C1GALT1: variants seen among roughly 807,000 people sequenced by gnomAD.
C1GALT1 encodes glycoprotein-N-acetylgalactosamine 3-beta-galactosyltransferase 1.
In C1GALT1, 11 loss-of-function variants were observed where a neutral mutation model predicts 31.0. The ratio of observed to expected loss-of-function variants is 0.36; its 90% CI spans 0.22 to 0.59. The LOEUF (loss-of-function observed/expected upper bound fraction) is 0.59. Ranked by LOEUF, C1GALT1 falls within the 20% of genes least tolerant of loss-of-function variation. The probability of loss-of-function intolerance (pLI) is 0.79; values close to 1 mark genes in which losing one functional copy is unlikely to be tolerated. For missense variants in C1GALT1, 424 were observed against 425.2 expected (o/e 1.00, Z 0.03); for synonymous variants, 175 against 143.6 (o/e 1.22, Z -1.56).
chr7:7,168,960 CACT>C, intron 2 of C1GALT1, among the ~76,000 whole-genome samples: 1 of 152,284 alleles, frequency 6.6e-6, no homozygotes, highest in East Asian at 1.9e-4. Context: ...CAAACACCAC[CACT>C]ATCTGTTAAT....
rs973225180 is a variant in C1GALT1 at position 7,234,535 on chromosome 7, T to C, written c.216T>C (p.His72=). Residue 72 remains histidine (H), a synonymous_variant, in exon 2 of 4, where the codon CAT becomes CAC. Transcript: ENST00000436587. The part of the protein sequence containing the change: ...QMNFNADSSQ[H]KDENTDIAEN... ...ACTTCAATGCAGATTCTAGCCAACA[T>C]AAAGGTATGGTTTACTTTATTAAGC... The C allele has an allele frequency of 3.7e-6, 6 of 1,604,398 alleles. No homozygotes were observed. Among genetic ancestry groups the C allele is most frequent in the Non-Finnish European group, 5.1e-6 (6 of 1,171,362 alleles).
At chr7:7,161,855 G>A (rs1780336693) in intron 2 of C1GALT1, among the ~76,000 whole-genome samples, 2 of 152,046 alleles carry the variant, frequency 1.3e-5, no homozygotes, top group Admixed American at 1.3e-4. Flanking sequence ...AAGTGCAGAA[G>A]ATTCTATTGA....
chr7:7,169,228 T>A lies in C1GALT1; in HGVS notation c.-18+11802T>A, dbSNP rs531577250. Among the ~76,000 whole-genome samples the A allele has an allele frequency of 1.8e-4, 28 of 152,364 alleles. 1 individual carries two copies. The South Asian group carries it at 5.8e-3, about 32-fold the overall frequency. ...GCTGAATAATATCCCACTGTATGTGTATAAAATATTTTGTTTATCCATTTC... is the reference window on the plus strand; with the variant it reads ...GCTGAATAATATCCCACTGTATGTGAATAAAATATTTTGTTTATCCATTTC... On this transcript the variant is annotated intron_variant, in intron 2 of 3. Coordinates refer to the C1GALT1 transcript ENST00000429911.
chr7:7,194,184 C>T (rs1781189597), intron 1 of C1GALT1, among the ~76,000 whole-genome samples: 2 of 151,878 alleles, frequency 1.3e-5, no homozygotes, highest in African/African-American at 2.4e-5. Context: ...TTGTCTGATC[C>T]CTCTGGCTAG....
At chr7:7,236,570 G>C (rs1321466364) in intron 2 of C1GALT1, among the ~76,000 whole-genome samples, 1 of 152,080 alleles carries the variant, frequency 6.6e-6, no homozygotes, top group Non-Finnish European at 1.5e-5. Context: ...CACCCAGGCT[G>C]GACTGCAGTG....
At chr7:7,206,820 A>G (rs1025746279) in intron 1 of C1GALT1, among the ~76,000 whole-genome samples, 2 of 151,284 alleles carry the variant, frequency 1.3e-5, no homozygotes, top group African/African-American at 2.4e-5. Flanking sequence ...AAAGTGTCTG[A>G]TGAGAAATCT....
At chr7:7,223,793 C>T (rs28421078) in intron 1 of C1GALT1, among the ~76,000 whole-genome samples, 4,477 of 151,564 alleles carry the variant, frequency 0.03, 233 homozygotes, top group African/African-American at 0.1. Context: ...CTAGAATTTC[C>T]AGTACTATAT....
chr7:7,182,054 T>G (rs1484513674), upstream of C1GALT1, among the ~76,000 whole-genome samples: 1 of 152,218 alleles, frequency 6.6e-6, no homozygotes, highest in South Asian at 2.1e-4. Flanking sequence ...CAGCTCTTCC[T>G]GGTTCTCACA....
intron 2 of C1GALT1, among the ~76,000 whole-genome samples, chr7:7,163,223 T>C (rs1780356231): frequency 6.6e-6 from 1 of 152,238 alleles, no homozygotes; most frequent in Admixed American, 6.5e-5. Flanking sequence ...TGCCTAGCTT[T>C]TCTTCTAGGG....
intron 2 of C1GALT1, among the ~76,000 whole-genome samples, chr7:7,160,413 C>T (rs1184153593): frequency 6.6e-6 from 1 of 152,050 alleles, no homozygotes; most frequent in Non-Finnish European, 1.5e-5. Context: ...GATAATGTTA[C>T]CTTGATTGAC....
intron 1 of C1GALT1, among the ~76,000 whole-genome samples, chr7:7,219,436 T>G (rs1782406680): frequency 6.6e-6 from 1 of 152,198 alleles, no homozygotes; most frequent in Non-Finnish European, 1.5e-5. Context: ...TAGGCATATG[T>G]TGGGGCAGAG....
intron 1 of C1GALT1, among the ~76,000 whole-genome samples, chr7:7,188,374 T>C (rs939838178): frequency 3.3e-5 from 5 of 152,170 alleles, no homozygotes; most frequent in African/African-American, 1.2e-4. Context: ...CAGGTGGAAG[T>C]ATTTAGCAGG....
chr7:7,200,754 A>G (rs1430785022), intron 1 of C1GALT1, among the ~76,000 whole-genome samples: 2 of 152,084 alleles, frequency 1.3e-5, no homozygotes, highest in African/African-American at 4.8e-5. Context: ...TTTGATCTTC[A>G]ATCACTGATA....
At chr7:7,210,177 T>C (rs1781927505) in intron 1 of C1GALT1, among the ~76,000 whole-genome samples, 1 of 152,104 alleles carries the variant, frequency 6.6e-6, no homozygotes. Context: ...CAAAAAATAT[T>C]TGTGACTCTT....
intron 1 of C1GALT1, among the ~76,000 whole-genome samples, chr7:7,194,847 T>C (rs1781218441): frequency 6.6e-6 from 1 of 152,070 alleles, no homozygotes; most frequent in Non-Finnish European, 1.5e-5. Context: ...ATTTCAGTCT[T>C]GCTGCTTGCT....
At chr7:7,204,767 T>C (rs1202620149) in intron 1 of C1GALT1, among the ~76,000 whole-genome samples, 1 of 152,218 alleles carries the variant, frequency 6.6e-6, no homozygotes, top group Non-Finnish European at 1.5e-5. Flanking sequence ...TGTCTCTAAG[T>C]ATTTTCTAAT....
chr7:7,196,185 G>T (rs971207794), intron 1 of C1GALT1, among the ~76,000 whole-genome samples: 1 of 151,926 alleles, frequency 6.6e-6, no homozygotes, highest in Admixed American at 6.6e-5. Flanking sequence ...TTTACATTAG[G>T]TATATCTCCT....
upstream of C1GALT1, among the ~76,000 whole-genome samples, chr7:7,181,542 G>C (rs1780588023): frequency 6.6e-6 from 1 of 152,128 alleles, no homozygotes; most frequent in Admixed American, 6.5e-5. Flanking sequence ...AATGTCCTGA[G>C]AAACTACACT....
intron 1 of C1GALT1, among the ~76,000 whole-genome samples, chr7:7,217,548 G>C (rs1474250087): frequency 6.6e-6 from 1 of 152,168 alleles, no homozygotes; most frequent in African/African-American, 2.4e-5. Flanking sequence ...TTCGCTGATG[G>C]ATTATTTCAT....
Sources: allele counts gnomAD v4.1 joint callset (sites outside exome capture counted in the v4.1 genomes callset), GRCh38; gene constraint gnomAD v4.1.1; transcripts MANE v1.5; gene names NCBI Gene and HGNC (gene_info 2026-07-23, HGNC 2026-07-21).